NCK2: variants seen among roughly 807,000 people sequenced by gnomAD.
NCK2 encodes the protein cytoplasmic protein NCK2.
NCK2 carries 16 observed loss-of-function variants against 33.9 expected under a neutral mutation model. That is an observed-to-expected ratio of 0.47 (90% confidence interval 0.32 to 0.72). The LOEUF (loss-of-function observed/expected upper bound fraction) is 0.72, where lower values mean the gene tolerates loss of function less well. Ranked by LOEUF, NCK2 falls within the 30% of genes least tolerant of loss-of-function variation. The pLI, the probability that NCK2 is intolerant of heterozygous loss-of-function variation, is 0.03. For synonymous variants in NCK2, 273 were observed against 239.9 expected (o/e 1.14, Z -1.27); for missense variants, 418 against 537.3 (o/e 0.78, Z 2.19).
intron 1 of NCK2, among the ~76,000 whole-genome samples, chr2:105,754,991 C>T (rs925828589): frequency 6.6e-6 from 1 of 151,774 alleles, no homozygotes. Flanking sequence ...TTGTGTGTGA[C>T]TCCCCTCACC....
intron 1 of NCK2, among the ~76,000 whole-genome samples, chr2:105,795,826 T>G (rs1691064527): frequency 6.6e-6 from 1 of 152,188 alleles, no homozygotes; most frequent in Non-Finnish European, 1.5e-5. Context: ...CCCTCCTCCC[T>G]AACTTCCTTC....
intron 2 of NCK2, among the ~76,000 whole-genome samples, chr2:105,839,491 A>T (rs1041181750): frequency 2.6e-5 from 4 of 152,008 alleles, no homozygotes; most frequent in African/African-American, 9.7e-5. Context: ...TTGAGGGATG[A>T]GTCTCAGATT....
chr2:105,805,772 G>C (rs1335710452), intron 1 of NCK2, among the ~76,000 whole-genome samples: 1 of 152,178 alleles, frequency 6.6e-6, no homozygotes. Flanking sequence ...CAAATGGCAG[G>C]ATTTCCCTTT....
chr2:105,805,108 T>C lies in NCK2; in HGVS notation c.-200-11322T>C, dbSNP rs573263742. ...GAGGCTCTTCCTATCTGGACAGTTT[T>C]GTAAATGACAGTTGATATTATAAAA... On this transcript the variant is annotated intron_variant, in intron 1 of 4. Transcript: ENST00000233154. 2.6e-5 allele frequency among the ~76,000 whole-genome samples: 4 copies of C among 152,332 alleles called. No individual in the cohort carries two copies. The South Asian group carries it at 8.3e-4, about 32-fold the overall frequency.
chr2:105,833,635 TAAAC>T (rs980681370), intron 2 of NCK2, among the ~76,000 whole-genome samples: 13 of 151,828 alleles, frequency 8.6e-5, no homozygotes, highest in African/African-American at 2.9e-4. Flanking sequence ...TATTTTTAAA[TAAAC>T]AACTTTTTAT....
chr2:105,859,263 C>CGGTGGTTAACA (rs1456157048), intron 3 of NCK2, among the ~76,000 whole-genome samples: 1 of 152,164 alleles, frequency 6.6e-6, no homozygotes, highest in Non-Finnish European at 1.5e-5. Flanking sequence ...ATTCTCTTTT[C>CGGTGGTTAACA]GGTGGTTAAC....
intron 1 of NCK2, among the ~76,000 whole-genome samples, chr2:105,803,170 T>A (rs1674905242): frequency 6.6e-6 from 1 of 152,214 alleles, no homozygotes; most frequent in Admixed American, 6.5e-5. Context: ...TTAGTTTTTA[T>A]CTAAGATAGT....
intron 3 of NCK2, among the ~76,000 whole-genome samples, chr2:105,858,713 A>G (rs1452364265): frequency 6.6e-6 from 1 of 152,210 alleles, no homozygotes; most frequent in Non-Finnish European, 1.5e-5. Flanking sequence ...TTGTTAATAA[A>G]CTTAATTTTG....
intron 1 of NCK2, among the ~76,000 whole-genome samples, chr2:105,794,717 T>G (rs1691014455): frequency 6.6e-6 from 1 of 151,762 alleles, no homozygotes; most frequent in South Asian, 2.1e-4. Flanking sequence ...ATTTATTTAT[T>G]TATTTATTTT....
At chr2:105,825,703 A>G (rs1341872885) in intron 2 of NCK2, among the ~76,000 whole-genome samples, 2 of 152,222 alleles carry the variant, frequency 1.3e-5, no homozygotes, top group Non-Finnish European at 2.9e-5. Flanking sequence ...TTTGCCCAGC[A>G]GGGCTATTAT....
chr2:105,891,835 C>T (rs1245133138), intron 4 of NCK2, among the ~76,000 whole-genome samples: 1 of 152,090 alleles, frequency 6.6e-6, no homozygotes, highest in African/African-American at 2.4e-5. Flanking sequence ...GCGTGAGCTA[C>T]TGCACCTGGC....
At chr2:105,861,665 T>C (rs992978031) in intron 3 of NCK2, among the ~76,000 whole-genome samples, 6 of 151,828 alleles carry the variant, frequency 4.0e-5, no homozygotes, top group Admixed American at 6.6e-5. Context: ...CAGGTGTGTA[T>C]CACCACACCC....
chr2:105,856,463 A>G (rs1677275127), intron 3 of NCK2, among the ~76,000 whole-genome samples: 1 of 152,214 alleles, frequency 6.6e-6, no homozygotes, highest in Admixed American at 6.5e-5. Flanking sequence ...AAAAATTTCT[A>G]ACAAGAGGAT....
intron 3 of NCK2, among the ~76,000 whole-genome samples, chr2:105,865,084 C>T (rs1317616387): frequency 6.6e-6 from 1 of 152,130 alleles, no homozygotes; most frequent in Non-Finnish European, 1.5e-5. Context: ...GACCTCCCTG[C>T]TGAGGAGTAT....
intron 2 of NCK2, among the ~76,000 whole-genome samples, chr2:105,829,642 C>G (rs1187311801): frequency 6.6e-6 from 1 of 152,144 alleles, no homozygotes; most frequent in Non-Finnish European, 1.5e-5. Flanking sequence ...TGATGATTTT[C>G]TCGTGAGGGT....
chr2:105,799,651 T>C (rs941848785), intron 1 of NCK2, among the ~76,000 whole-genome samples: 1 of 152,200 alleles, frequency 6.6e-6, no homozygotes, highest in African/African-American at 2.4e-5. Context: ...AATACCACTA[T>C]ATGAAAGCCT....
At chr2:105,863,667 C>T (rs1677634941) in intron 3 of NCK2, among the ~76,000 whole-genome samples, 1 of 152,056 alleles carries the variant, frequency 6.6e-6, no homozygotes, top group Non-Finnish European at 1.5e-5. Flanking sequence ...TAGCACTGTC[C>T]CTTCCTGTCC....
At chr2:105,764,143 G>A (rs994945569) in intron 1 of NCK2, among the ~76,000 whole-genome samples, 9 of 152,246 alleles carry the variant, frequency 5.9e-5, no homozygotes, top group African/African-American at 1.4e-4. Context: ...GAGCTTTCAC[G>A]TGGGTGCATG....
intron 1 of NCK2, among the ~76,000 whole-genome samples, chr2:105,793,520 A>C (rs1227395301): frequency 1.3e-5 from 2 of 152,232 alleles, no homozygotes; most frequent in Non-Finnish European, 2.9e-5. Flanking sequence ...TCATGTAGGC[A>C]TTGCACTGGC....
Sources: allele counts gnomAD v4.1 joint callset (sites outside exome capture counted in the v4.1 genomes callset), GRCh38; gene constraint gnomAD v4.1.1; transcripts MANE v1.5; gene names NCBI Gene and HGNC (gene_info 2026-07-23, HGNC 2026-07-21).